MBD5: variants seen among roughly 807,000 people sequenced by gnomAD.
MBD5 encodes methyl-CpG binding domain protein 5.
A neutral mutation model predicts 117.3 loss-of-function variants in MBD5; 13 were observed. That is an observed-to-expected ratio of 0.11 (90% CI 0.07 to 0.18). MBD5 has a LOEUF of 0.18. Among genes scored for constraint, MBD5 ranks in the 10% least tolerant of loss-of-function variants. MBD5 has a pLI of 1.00. For missense variants in MBD5, 1,879 were observed against 2,093.8 expected (o/e 0.90, Z 2.00); for synonymous variants, 727 against 766.4 (o/e 0.95, Z 0.85).
At chr2:148,147,406 T>G (rs1444778884) in intron 1 of MBD5, among the ~76,000 whole-genome samples, 1 of 150,928 alleles carries the variant, frequency 6.6e-6, no homozygotes, top group African/African-American at 2.4e-5. Flanking sequence ...CCCACCCTGC[T>G]AATTTTTGTA....
chr2:148,092,539 G>A (rs898514550), intron 1 of MBD5, among the ~76,000 whole-genome samples: 4 of 152,146 alleles, frequency 2.6e-5, no homozygotes, highest in African/African-American at 7.2e-5. Context: ...AGTGGGGACC[G>A]TTATTCTAAG....
chr2:148,197,492 G>T (rs564716464), intron 2 of MBD5, among the ~76,000 whole-genome samples: 2 of 152,280 alleles, frequency 1.3e-5, no homozygotes, highest in South Asian at 4.1e-4. Context: ...TTTCCTTCCT[G>T]CAAGAAAGCC....
At chr2:148,376,579 G>A (rs2105399486) in intron 4 of MBD5, among the ~76,000 whole-genome samples, 1 of 149,536 alleles carries the variant, frequency 6.7e-6, no homozygotes. Context: ...AAATATTCAT[G>A]TTATATTTCA....
At chr2:148,447,059 A>G (rs564071291) in intron 4 of MBD5, among the ~76,000 whole-genome samples, 112 of 146,576 alleles carry the variant, frequency 7.6e-4, no homozygotes, top group Non-Finnish European at 1.3e-3. Flanking sequence ...GAAAGAGAGA[A>G]AGAAAGAAAG....
At chr2:148,061,061 G>A (rs929864432) in intron 1 of MBD5, among the ~76,000 whole-genome samples, 1 of 151,918 alleles carries the variant, frequency 6.6e-6, no homozygotes, top group African/African-American at 2.4e-5. Flanking sequence ...AGTTTTTGCG[G>A]TTTAATTTTG....
chr2:148,132,139 ATAATC>A (rs1376566386), intron 1 of MBD5, among the ~76,000 whole-genome samples: 1 of 152,094 alleles, frequency 6.6e-6, no homozygotes, highest in Non-Finnish European at 1.5e-5. Flanking sequence ...CTTAAATGAG[ATAATC>A]TACTGAGTAT....
At chr2:148,292,697 T>A (rs987292964) in intron 3 of MBD5, among the ~76,000 whole-genome samples, 2 of 152,032 alleles carry the variant, frequency 1.3e-5, no homozygotes, top group African/African-American at 2.4e-5. Context: ...TACCATATGA[T>A]CCAGCAGTCT....
chr2:148,438,101 A>T (rs1392469781), intron 4 of MBD5, among the ~76,000 whole-genome samples: 1 of 152,230 alleles, frequency 6.6e-6, no homozygotes, highest in African/African-American at 2.4e-5. Context: ...AATGAATTAG[A>T]ACTCTCTAAA....
At chr2:148,236,700 A>G (rs964309490) in intron 3 of MBD5, among the ~76,000 whole-genome samples, 2 of 152,188 alleles carry the variant, frequency 1.3e-5, no homozygotes, top group Admixed American at 1.3e-4. Context: ...TGAATGGTAA[A>G]TGAGCATTGG....
chr2:148,458,906 G>A, intron 5 of MBD5, 35 bp downstream of exon 5: 1 of 1,534,228 alleles, frequency 6.5e-7, no homozygotes, highest in Non-Finnish European at 9.0e-7. Flanking sequence ...TACCTGCAAA[G>A]TTGTACTCCA....
chr2:148,064,520 T>G (rs1254434997), intron 1 of MBD5, among the ~76,000 whole-genome samples: 1 of 152,164 alleles, frequency 6.6e-6, no homozygotes, highest in Non-Finnish European at 1.5e-5. Context: ...GGATCAAAGC[T>G]ATATTCTTCT....
intron 2 of MBD5, among the ~76,000 whole-genome samples, chr2:148,206,408 A>G (rs1483582994): frequency 6.6e-6 from 1 of 152,186 alleles, no homozygotes; most frequent in Non-Finnish European, 1.5e-5. Flanking sequence ...ACAGTGAATA[A>G]TGATCAAATC....
At chr2:148,243,901 A>G (rs1300596192) in intron 3 of MBD5, 1 of 151,936 alleles carries the variant, frequency 6.6e-6, no homozygotes, top group South Asian at 2.1e-4. Flanking sequence ...TAGCACTATG[A>G]TTCTATAGAA....
chr2:148,167,224 C>A (rs1698147335), intron 1 of MBD5, among the ~76,000 whole-genome samples: 1 of 152,108 alleles, frequency 6.6e-6, no homozygotes, highest in African/African-American at 2.4e-5. Flanking sequence ...TATTAAAAAT[C>A]TTTTTCTATA....
In MBD5 at chr2:148,360,788, G is replaced by T. The variant is rs73015150; in HGVS notation, c.-557+18452G>T. Among the ~76,000 whole-genome samples the T allele has an allele frequency of 4.7e-3, 713 of 152,176 alleles. 7 individuals are homozygous for T. Among genetic ancestry groups the T allele is most frequent in the African/African-American group, 0.016 (665 of 41,520 alleles). On this transcript the variant is annotated intron_variant, in intron 4 of 13. Transcript: ENST00000642680. The stretch of plus-strand genomic sequence containing the variant: ...CTGGTATTTTTGTGACAGTCTATAT[G>T]ATCATTTTTCTAAGCTGGCATTAAA...
At chr2:148,414,193 T>A (rs1413939701) in intron 4 of MBD5, among the ~76,000 whole-genome samples, 1 of 152,076 alleles carries the variant, frequency 6.6e-6, no homozygotes, top group Non-Finnish European at 1.5e-5. Flanking sequence ...TTTCAAAGAG[T>A]TTCTGGATTT....
At chr2:148,203,569 T>C (rs1334155309) in intron 2 of MBD5, among the ~76,000 whole-genome samples, 1 of 152,178 alleles carries the variant, frequency 6.6e-6, no homozygotes, top group African/African-American at 2.4e-5. Context: ...AAGAGGTGCG[T>C]GTGCATTAGG....
At chr2:148,109,777 T>C (rs1696465024) in intron 1 of MBD5, among the ~76,000 whole-genome samples, 1 of 152,146 alleles carries the variant, frequency 6.6e-6, no homozygotes, top group African/African-American at 2.4e-5. Flanking sequence ...TTCAAAACAT[T>C]CTCATTTTGC....
chr2:148,304,652 A>G (rs1701847686), intron 3 of MBD5, among the ~76,000 whole-genome samples: 2 of 152,342 alleles, frequency 1.3e-5, no homozygotes, highest in Non-Finnish European at 2.9e-5. Flanking sequence ...TCTAACTCCA[A>G]TAAGGGCAGT....
Sources: allele counts gnomAD v4.1 joint callset (sites outside exome capture counted in the v4.1 genomes callset), GRCh38; gene constraint gnomAD v4.1.1; transcripts MANE v1.5; gene names NCBI Gene and HGNC (gene_info 2026-07-23, HGNC 2026-07-21).